Variants in SLC17A1 observed in about 807,000 individuals in gnomAD.
SLC17A1 encodes sodium-dependent phosphate transport protein 1.
A neutral mutation model predicts 53.5 loss-of-function variants in SLC17A1; 51 were observed. The observed-to-expected ratio is 0.95, with a 90% CI of 0.76 to 1.20. The LOEUF (loss-of-function observed/expected upper bound fraction) is 1.20, where lower values mean the gene tolerates loss of function less well. Among genes scored for constraint, SLC17A1 ranks in the 50% most tolerant of loss-of-function variants. The pLI, the probability that SLC17A1 is intolerant of heterozygous loss-of-function variation, is 0.00. For missense variants in SLC17A1, 538 were observed against 568.2 expected (o/e 0.95, Z 0.54); for synonymous variants, 179 against 198.8 (o/e 0.90, Z 0.84).
the SLC17A1 span, among the ~76,000 whole-genome samples, chr6:25,730,112 A>C: frequency 6.6e-6 from 1 of 152,226 alleles, no homozygotes; most frequent in Non-Finnish European, 1.5e-5. Context: ...TTTCCTCAAA[A>C]AATTAAAAAT....
chr6:25,739,221 T>G, the SLC17A1 span, among the ~76,000 whole-genome samples: 1 of 152,216 alleles, frequency 6.6e-6, no homozygotes, highest in Non-Finnish European at 1.5e-5. Flanking sequence ...CTTCTTGGTT[T>G]GTGGATAGCC....
chr6:25,809,604 G>C (rs1299919825), intron 10 of SLC17A1, among the ~76,000 whole-genome samples: 1 of 151,966 alleles, frequency 6.6e-6, no homozygotes, highest in African/African-American at 2.4e-5. Context: ...AATGTTGGTG[G>C]AAGATATTGA....
chr6:25,727,119 AT>A, the SLC17A1 span: 6 of 1,614,098 alleles, frequency 3.7e-6, no homozygotes, highest in Non-Finnish European at 5.1e-6. Flanking sequence ...CGTCACTGAT[AT>A]CTTTGAGCGT....
chr6:25,783,576 A>AAAAC (rs1222329008), intron 12 of SLC17A1, among the ~76,000 whole-genome samples: 1 of 152,200 alleles, frequency 6.6e-6, no homozygotes, highest in Non-Finnish European at 1.5e-5. Flanking sequence ...TCCTGAAAAC[A>AAAAC]AAACAAATCC....
At chr6:25,725,434 TTAATTA>T in the SLC17A1 span, among the ~76,000 whole-genome samples, 4 of 152,222 alleles carry the variant, frequency 2.6e-5, no homozygotes, top group African/African-American at 9.6e-5. Flanking sequence ...CATGCCACAT[TTAATTA>T]TGAGTATTTC....
chr6:25,725,091 G>T, the SLC17A1 span, among the ~76,000 whole-genome samples: 1 of 150,380 alleles, frequency 6.6e-6, no homozygotes, highest in African/African-American at 2.4e-5. Context: ...ATTTGGCAGC[G>T]TTACTGAATG....
chr6:25,768,043 A>T, the SLC17A1 span, among the ~76,000 whole-genome samples: 2 of 152,234 alleles, frequency 1.3e-5, no homozygotes, highest in Non-Finnish European at 2.9e-5. Flanking sequence ...CTTCTTGACT[A>T]GAAGACAATC....
the SLC17A1 span, chr6:25,731,873 C>A: frequency 6.2e-6 from 10 of 1,602,948 alleles, no homozygotes; most frequent in South Asian, 1.1e-4. Flanking sequence ...GGCGCACGGC[C>A]GTCTGGATCT....
At chr6:25,773,530 G>A in the SLC17A1 span, 2 of 1,613,876 alleles carry the variant, frequency 1.2e-6, no homozygotes, top group Non-Finnish European at 1.7e-6. Context: ...CACCAGGCTG[G>A]TCTCTTCCCA....
the SLC17A1 span, chr6:25,773,586 C>T: frequency 6.2e-7 from 1 of 1,613,872 alleles, no homozygotes; most frequent in Admixed American, 1.7e-5. Flanking sequence ...ATTTTAGTCT[C>T]TTATTTCTGT....
the SLC17A1 span, among the ~76,000 whole-genome samples, chr6:25,767,527 G>A: frequency 2.0e-5 from 3 of 151,974 alleles, no homozygotes; most frequent in Non-Finnish European, 4.4e-5. Context: ...CACACAAGCT[G>A]GAATTGGAAT....
the SLC17A1 span, among the ~76,000 whole-genome samples, chr6:25,729,877 C>T: frequency 1.3e-5 from 2 of 152,068 alleles, no homozygotes; most frequent in Non-Finnish European, 2.9e-5. Context: ...ACATTCAAAA[C>T]TTTTATTGTA....
intron 12 of SLC17A1, 79 bp from the exon 13 acceptor site, chr6:25,783,297 G>A (rs144095448): frequency 6.6e-6 from 1 of 152,248 alleles, no homozygotes; most frequent in Non-Finnish European, 1.5e-5. Context: ...ACATAAGAAA[G>A]CTTTTCAACA....
chr6:25,726,983 A>G, the SLC17A1 span: 12 of 1,614,192 alleles, frequency 7.4e-6, no homozygotes, highest in Admixed American at 1.0e-4. Flanking sequence ...AGACCCAGAA[A>G]AAGGAAGGCA....
chr6:25,760,158 G>T, the SLC17A1 span, among the ~76,000 whole-genome samples: 2 of 152,186 alleles, frequency 1.3e-5, no homozygotes, highest in Non-Finnish European at 2.9e-5. Context: ...GAAATAATAG[G>T]ATCTGGTTCT....
the SLC17A1 span, chr6:25,726,954 T>C: frequency 6.2e-7 from 1 of 1,613,920 alleles, no homozygotes; most frequent in African/African-American, 1.3e-5. Context: ...CAAGAAGGGC[T>C]TTAAGAAAGC....
the SLC17A1 span, among the ~76,000 whole-genome samples, chr6:25,730,442 TA>T: frequency 6.6e-6 from 1 of 152,004 alleles, no homozygotes; most frequent in Non-Finnish European, 1.5e-5. Context: ...TAAGTGGAAT[TA>T]AAAAAAAGTT....
At chr6:25,760,114 GT>G in the SLC17A1 span, among the ~76,000 whole-genome samples, 2 of 152,152 alleles carry the variant, frequency 1.3e-5, no homozygotes, top group Non-Finnish European at 2.9e-5. Context: ...GGTGATCATA[GT>G]TTTTTAAAAT....
intron 1 of SLC17A1, 59 bp from the exon 2 acceptor site, chr6:25,830,666 T>C: frequency 4.6e-6 from 5 of 1,094,684 alleles, no homozygotes; most frequent in East Asian, 2.4e-5. Context: ...GACCAAACAC[T>C]ACCCAGTACT....
Sources: allele counts gnomAD v4.1 joint callset (sites outside exome capture counted in the v4.1 genomes callset), GRCh38; gene constraint gnomAD v4.1.1; transcripts MANE v1.5; gene names NCBI Gene and HGNC (gene_info 2026-07-23, HGNC 2026-07-21).